Variants in DNPEP observed in about 807,000 individuals in gnomAD.
DNPEP encodes the protein aspartyl aminopeptidase.
Under a neutral mutation model 59.1 loss-of-function variants are expected in DNPEP, and 46 were observed. The ratio of observed to expected loss-of-function variants is 0.78; its 90% confidence interval spans 0.61 to 0.99. The LOEUF (loss-of-function observed/expected upper bound fraction) is 0.99, where lower values mean the gene tolerates loss of function less well. DNPEP is among the 50% of genes least tolerant of loss of function. The pLI is 0.00. For missense variants in DNPEP, 617 were observed against 649.9 expected (o/e 0.95, Z 0.55); for synonymous variants, 229 against 242.2 (o/e 0.95, Z 0.50).
intron 8 of DNPEP, 137 bp downstream of exon 8, chr2:219,385,287 G>C (rs938685418): frequency 3.3e-6 from 2 of 615,158 alleles, no homozygotes; most frequent in South Asian, 4.2e-5. Flanking sequence ...AGCAGTGGGG[G>C]ATGTGTCTAC....
rs1953223761 is a variant in DNPEP at position 219,372,541 on chromosome 2, G to A, written c.*1751C>T. 6.6e-6 allele frequency among the ~76,000 whole-genome samples: 1 copy of A among 151,712 alleles called. No homozygotes were observed. The highest frequency in any genetic ancestry group is 1.5e-5 in the Non-Finnish European group (1 of 67,930). ...CCACCACGCATGGCTAATTTTTTTT[G>A]TATTTTTAGTAGAGAGGTTTTCACC... On this transcript the variant is annotated 3_prime_UTR_variant, in exon 15 of 15. Coordinates refer to ENST00000273075, the MANE Select transcript of DNPEP (RefSeq NM_012100.4).
upstream of DNPEP, among the ~76,000 whole-genome samples, chr2:219,391,069 C>G (rs1269513814): frequency 6.6e-6 from 1 of 152,102 alleles, no homozygotes; most frequent in Non-Finnish European, 1.5e-5. Context: ...ATAAATCCTG[C>G]GCTTAGACAG....
Position 219,374,478 on chromosome 2 carries a change from C to T in DNPEP, c.1408-136G>A. 5.2e-6 allele frequency: 4 copies of T among 770,008 alleles called. No individual in the cohort carries two copies. In the South Asian group the frequency reaches 6.6e-5, roughly 13 times the overall value. 47.7% of individuals were successfully genotyped at this position (770,008 alleles called of 1,614,324 possible). ...ATCTGTTCTTGACAGCCACCCCAGT[C>T]TTCTCAGCCCTGATCCCCTCTTCCC... On this transcript the variant is annotated intron_variant, in intron 14 of 14. Coordinates refer to ENST00000273075, the MANE Select transcript of DNPEP (RefSeq NM_012100.4).
Position 219,376,355 on chromosome 2 carries a change from G to A in DNPEP, c.1240-1333C>T, listed in dbSNP as rs1953370694. On this transcript the variant is annotated intron_variant, in intron 13 of 14. Coordinates refer to ENST00000273075, the MANE Select transcript of DNPEP (RefSeq NM_012100.4). ...ATACAAGAAACAGCCGGGCATGGTGGTGCATGCCTGTAATCCCAGCTACTC... is the reference window on the plus strand; with the variant it reads ...ATACAAGAAACAGCCGGGCATGGTGATGCATGCCTGTAATCCCAGCTACTC... Among the ~76,000 whole-genome samples, 3 of 151,976 alleles carry A rather than the reference G, an allele frequency of 2.0e-5. No homozygotes were observed. In the South Asian group the frequency reaches 6.2e-4, roughly 32 times the overall value.
intron 9 of DNPEP, among the ~76,000 whole-genome samples, chr2:219,383,759 C>A (rs1361326989): frequency 6.6e-5 from 10 of 152,184 alleles, no homozygotes; most frequent in Admixed American, 6.5e-4. Context: ...GAAGTAGATG[C>A]AGGTCCCAGG....
At chr2:219,395,275 C>T (rs949479916) in intron 1 of DNPEP, among the ~76,000 whole-genome samples, 2 of 152,168 alleles carry the variant, frequency 1.3e-5, no homozygotes, top group African/African-American at 2.4e-5. Flanking sequence ...GGAGAACTTA[C>T]ATACAAGATG....
In DNPEP at chr2:219,387,817, C is replaced by T. The variant is rs1953917590; in HGVS notation, c.-23G>A. The T allele has an allele frequency of 1.9e-6, 3 of 1,567,006 alleles. No homozygotes were observed. Among genetic ancestry groups the T allele is most frequent in the African/African-American group, 2.8e-5 (2 of 71,570 alleles). On this transcript the variant is annotated 5_prime_UTR_variant, in exon 1 of 15. Transcript: ENST00000273075. ...CATCTGGCCTCCGGGCTCGGCCCGC[C>T]CCCACCGCGCCGCCTGCCCCGCCCC...
In DNPEP at chr2:219,379,658, C is replaced by T. The variant is rs7571675; in HGVS notation, c.1239+1677G>A. On this transcript the variant is annotated intron_variant, in intron 13 of 14. Coordinates refer to ENST00000273075, the MANE Select transcript of DNPEP (RefSeq NM_012100.4). ...AAAAAGTTGGCCGGGTGCAGTGGCT[C>T]ACACCTGTAATCCCAACACTTTGGG... Among the ~76,000 whole-genome samples the T allele has an allele frequency of 5.5e-4, 83 of 152,242 alleles. 1 individual carries two copies. Among genetic ancestry groups the T allele is most frequent in the African/African-American group, 1.9e-3 (79 of 41,534 alleles).
chr2:219,385,727 T>TG, intron 6 of DNPEP, 21 bp from the exon 7 acceptor site: 2 of 1,585,024 alleles, frequency 1.3e-6, no homozygotes, highest in Non-Finnish European at 1.7e-6. Context: ...ACGTGGGTTG[T>TG]GGGGGGATTG....
At chr2:219,387,526 G>T in intron 1 of DNPEP, 1 of 1,442,550 alleles carries the variant, frequency 6.9e-7, no homozygotes. Flanking sequence ...CCAGCCCGGA[G>T]CCAAAGCCCT....
chr2:219,399,859 C>T (rs757799798), intron 1 of DNPEP: 67 of 1,550,022 alleles, frequency 4.3e-5, no homozygotes, highest in Middle Eastern at 1.7e-4. Context: ...AGACAGGCCC[C>T]GGTTACCTTG....
At chr2:219,375,674 G>C (rs1462418963) in intron 13 of DNPEP, among the ~76,000 whole-genome samples, 1 of 152,134 alleles carries the variant, frequency 6.6e-6, no homozygotes, top group Non-Finnish European at 1.5e-5. Context: ...CGATTCTCCT[G>C]TCTCAGCCTC....
At chr2:219,375,055 C>G in intron 13 of DNPEP, 33 bp from the exon 14 acceptor site, 1 of 1,610,214 alleles carries the variant, frequency 6.2e-7, no homozygotes, top group African/African-American at 1.3e-5. Context: ...GAGCAACATG[C>G]AGTGTGTGCT....
At chr2:219,381,288 C>G in intron 13 of DNPEP, 47 bp downstream of exon 13, 1 of 1,565,350 alleles carries the variant, frequency 6.4e-7, no homozygotes, top group Non-Finnish European at 8.8e-7. Context: ...TTTGTGCCCC[C>G]ACCAAGCTCC....
intron 13 of DNPEP, among the ~76,000 whole-genome samples, chr2:219,378,982 A>C (rs1162257011): frequency 6.6e-6 from 1 of 152,238 alleles, no homozygotes; most frequent in African/African-American, 2.4e-5. Context: ...CAATGGCACC[A>C]TCTTGGCTCC....
chr2:219,398,226 T>C (rs1954129757), intron 1 of DNPEP, among the ~76,000 whole-genome samples: 1 of 152,258 alleles, frequency 6.6e-6, no homozygotes, highest in Non-Finnish European at 1.5e-5. Context: ...TAGTATTATC[T>C]CTCATTTTGA....
chr2:219,393,375 G>A (rs140758545), upstream of DNPEP, among the ~76,000 whole-genome samples: 926 of 152,162 alleles, frequency 6.1e-3, 3 homozygotes, highest in South Asian at 1.0e-2. Context: ...TGCCTCCTGG[G>A]TTCAAGCGAT....
At chr2:219,385,269 G>A (rs1411418286) in intron 8 of DNPEP, 155 bp downstream of exon 8, 30 of 591,930 alleles carry the variant, frequency 5.1e-5, no homozygotes, top group South Asian at 4.5e-4. Context: ...GAGAACCACC[G>A]CCCTAGAAGC....
chr2:219,382,235 C>T (rs1953634589), intron 10 of DNPEP, 96 bp from the exon 11 acceptor site: 2 of 1,394,102 alleles, frequency 1.4e-6, no homozygotes, highest in Non-Finnish European at 1.9e-6. Flanking sequence ...GGCCCAAAAC[C>T]CCACTGAGTC....
Sources: gnomAD v4.1 joint callset for allele counts (sites outside exome capture counted in the v4.1 genomes callset) on GRCh38, gnomAD v4.1.1 for gene constraint, MANE v1.5 for transcripts, NCBI Gene and HGNC (gene_info 2026-07-23, HGNC 2026-07-21) for gene names.